Variants in LRRC4C observed in about 807,000 individuals in gnomAD.
LRRC4C encodes the protein leucine-rich repeat-containing protein 4C.
Under a neutral mutation model 33.6 loss-of-function variants are expected in LRRC4C, and 5 were observed. That is an observed-to-expected ratio of 0.15 (90% confidence interval 0.08 to 0.31). The LOEUF (loss-of-function observed/expected upper bound fraction) is 0.31. Ranked by LOEUF, LRRC4C falls within the 10% of genes least tolerant of loss-of-function variation. The pLI is 1.00. For missense variants in LRRC4C, 560 were observed against 796.7 expected (o/e 0.70, Z 3.58); for synonymous variants, 329 against 302.0 (o/e 1.09, Z -0.93).
At chr11:40,795,642 T>C (rs868353351) in intron 2 of LRRC4C, among the ~76,000 whole-genome samples, 1 of 152,212 alleles carries the variant, frequency 6.6e-6, no homozygotes, top group Non-Finnish European at 1.5e-5. Context: ...AATTTTGACA[T>C]AGGCAGTTTA....
chr11:40,640,840 A>G (rs1666907638), intron 3 of LRRC4C, among the ~76,000 whole-genome samples: 1 of 151,552 alleles, frequency 6.6e-6, no homozygotes, highest in African/African-American at 2.4e-5. Context: ...CACGGTGAAA[A>G]CCCCTCTCTA....
chr11:41,179,185 C>CTTT lies in LRRC4C; in HGVS notation c.-495-245465_-495-245463dup, dbSNP rs556167987. On this transcript the variant is annotated intron_variant, in intron 1 of 6. Coordinates refer to ENST00000528697, the MANE Select transcript of LRRC4C (RefSeq NM_001258419.2). ...AGAAAAGGAAGCAATCCTCAAGCCT[C>CTTT]TTTTTTTTTTTTTTTTAAGATATCT... 4.6e-3 allele frequency among the ~76,000 whole-genome samples: 626 copies of CTTT among 136,556 alleles called. 3 individuals are homozygous for CTTT. Among genetic ancestry groups the CTTT allele is most frequent in the African/African-American group, 0.015 (558 of 37,276 alleles). The allele number at this position is 136,556 out of a possible 152,430, so 89.6% of individuals were successfully genotyped here. A position where few individuals can be genotyped will look rare whatever the true frequency, so the allele number is the denominator to read the frequency against.
intron 1 of LRRC4C, among the ~76,000 whole-genome samples, chr11:41,077,025 C>T (rs918435282): frequency 2.6e-5 from 4 of 152,172 alleles, no homozygotes; most frequent in African/African-American, 7.2e-5. Context: ...CAATAATCTC[C>T]TTTGATTCCA....
chr11:40,724,234 T>C (rs1947175799), intron 2 of LRRC4C, among the ~76,000 whole-genome samples: 1 of 152,182 alleles, frequency 6.6e-6, no homozygotes, highest in South Asian at 2.1e-4. Context: ...TTCTGGACTC[T>C]ATTTGACACT....
intron 1 of LRRC4C, among the ~76,000 whole-genome samples, chr11:41,024,638 A>G (rs1045305560): frequency 1.3e-5 from 2 of 151,698 alleles, no homozygotes; most frequent in Non-Finnish European, 3.0e-5. Context: ...CTACGGCATT[A>G]TATGGCTTCA....
At chr11:40,862,809 A>G (rs989929748) in intron 2 of LRRC4C, among the ~76,000 whole-genome samples, 13 of 152,214 alleles carry the variant, frequency 8.5e-5, no homozygotes, top group Admixed American at 7.9e-4. Context: ...AAAGCCACAG[A>G]AAACTCTTCA....
chr11:40,521,139 C>T (rs1168326175), intron 3 of LRRC4C, among the ~76,000 whole-genome samples: 1 of 152,136 alleles, frequency 6.6e-6, no homozygotes, highest in African/African-American at 2.4e-5. Flanking sequence ...CTTTGGTTCA[C>T]TATGGAGCTA....
At chr11:40,670,726 A>G (rs1176048249) in intron 2 of LRRC4C, among the ~76,000 whole-genome samples, 1 of 152,114 alleles carries the variant, frequency 6.6e-6, no homozygotes, top group African/African-American at 2.4e-5. Context: ...TAGGATTTGA[A>G]TTCGGCCAGT....
chr11:40,657,738 C>A (rs182050359), intron 2 of LRRC4C, among the ~76,000 whole-genome samples: 7 of 152,110 alleles, frequency 4.6e-5, no homozygotes, highest in African/African-American at 1.7e-4. Context: ...GACTGTGCCC[C>A]GACCACCTTG....
At chr11:40,261,094 T>C (rs1243332348) in intron 4 of LRRC4C, among the ~76,000 whole-genome samples, 1 of 152,024 alleles carries the variant, frequency 6.6e-6, no homozygotes. Context: ...TTGCCCAGGC[T>C]GGTATCAAAC....
chr11:40,509,088 G>A (rs1955179730), intron 3 of LRRC4C, among the ~76,000 whole-genome samples: 1 of 151,914 alleles, frequency 6.6e-6, no homozygotes, highest in Admixed American at 6.6e-5. Flanking sequence ...CATATATCAA[G>A]GAAATAATAT....
At chr11:40,927,329 A>T (rs1957444416) in intron 2 of LRRC4C, among the ~76,000 whole-genome samples, 1 of 151,020 alleles carries the variant, frequency 6.6e-6, no homozygotes, top group African/African-American at 2.4e-5. Context: ...AGCCAAGATC[A>T]TGCCATTAGA....
intron 1 of LRRC4C, among the ~76,000 whole-genome samples, chr11:41,389,034 GA>G (rs1224008878): frequency 6.6e-6 from 1 of 151,760 alleles, no homozygotes; most frequent in Non-Finnish European, 1.5e-5. Flanking sequence ...GAAGGGATAC[GA>G]TGGCATGGTA....
intron 2 of LRRC4C, among the ~76,000 whole-genome samples, chr11:40,916,258 T>C (rs1956952801): frequency 6.6e-6 from 1 of 152,178 alleles, no homozygotes; most frequent in Admixed American, 6.5e-5. Flanking sequence ...GTATGTTTAT[T>C]GTGGCACTAT....
intron 5 of LRRC4C, among the ~76,000 whole-genome samples, chr11:40,177,466 T>C (rs192618784): frequency 4.3e-4 from 66 of 152,158 alleles, no homozygotes; most frequent in African/African-American, 1.6e-3. Flanking sequence ...CTCCGACTTC[T>C]CTCCCTCACT....
intron 2 of LRRC4C, among the ~76,000 whole-genome samples, chr11:40,818,558 T>A (rs2135444045): frequency 6.6e-6 from 1 of 152,228 alleles, no homozygotes; most frequent in East Asian, 1.9e-4. Context: ...TCCTTTCTCC[T>A]ATTTTTGTTC....
At chr11:41,359,501 G>C (rs536240964) in intron 1 of LRRC4C, among the ~76,000 whole-genome samples, 27 of 152,234 alleles carry the variant, frequency 1.8e-4, no homozygotes, top group Middle Eastern at 3.4e-3. Flanking sequence ...CAGCCTAAAA[G>C]TGCTTTAAAA....
rs61886616 is a variant in LRRC4C at position 40,902,209 on chromosome 11, G to T, written c.-407+31426C>A. 4.6e-3 allele frequency among the ~76,000 whole-genome samples: 694 copies of T among 152,104 alleles called. 2 individuals are homozygous for T. Among genetic ancestry groups the T allele is most frequent in the Non-Finnish European group, 8.0e-3 (546 of 67,944 alleles). On this transcript the variant is annotated intron_variant, in intron 2 of 6. Coordinates refer to ENST00000528697, the MANE Select transcript of LRRC4C (RefSeq NM_001258419.2). ...CATTTTTGTAATTCTCACAATATTTGAAATGCTTTCATTATTATTATATCT... is the reference window on the plus strand; with the variant it reads ...CATTTTTGTAATTCTCACAATATTTTAAATGCTTTCATTATTATTATATCT...
intron 1 of LRRC4C, among the ~76,000 whole-genome samples, chr11:41,439,194 G>C (rs1352267746): frequency 6.6e-6 from 1 of 152,072 alleles, no homozygotes; most frequent in Non-Finnish European, 1.5e-5. Context: ...CCATGTTGCT[G>C]CAAATAACAT....
Sources: allele counts gnomAD v4.1 joint callset (sites outside exome capture counted in the v4.1 genomes callset), GRCh38; gene constraint gnomAD v4.1.1; transcripts MANE v1.5; gene names NCBI Gene and HGNC (gene_info 2026-07-23, HGNC 2026-07-21).